Variants in ACCSL observed in about 807,000 individuals in gnomAD.
ACCSL encodes probable inactive 1-aminocyclopropane-1-carboxylate synthase-like protein 2.
Under a neutral mutation model 61.7 loss-of-function variants are expected in ACCSL, and 55 were observed. The ratio of observed to expected loss-of-function variants is 0.89; its 90% confidence interval spans 0.72 to 1.12. The LOEUF (loss-of-function observed/expected upper bound fraction) is 1.12, where lower values mean the gene tolerates loss of function less well. Among genes scored for constraint, ACCSL ranks in the 50% most tolerant of loss-of-function variants. The pLI, the probability that ACCSL is intolerant of heterozygous loss-of-function variation, is 0.00. For missense variants in ACCSL, 632 were observed against 698.0 expected (o/e 0.91, Z 1.07); for synonymous variants, 258 against 264.3 (o/e 0.98, Z 0.23).
chr11:43,943,263 C>T, the ACCSL span: 10 of 1,516,578 alleles, frequency 6.6e-6, no homozygotes, highest in East Asian at 1.9e-4. The surrounding 1 kb of genome is among the most constrained non-coding windows in gnomAD (Gnocchi z 4.8). Flanking sequence ...GACTCCGACT[C>T]GGCCCTGTAA....
the ACCSL span, among the ~76,000 whole-genome samples, chr11:43,996,813 CTTTT>C: frequency 3.2e-4 from 41 of 127,756 alleles, no homozygotes; most frequent in East Asian, 4.4e-4. Flanking sequence ...ACCTTTTTTC[CTTTT>C]TTTTTTTTTT....
In ACCSL at chr11:44,056,067, G is replaced by A; in HGVS notation, c.1167G>A (p.Val389=). Residue 389 remains valine, a synonymous_variant, in exon 10 of 14, where the codon GTG becomes GTA. Transcript: ENST00000378832. ...KSLPDSNRTH[V]IWGTSKDFGI... is the part of the protein sequence containing the mutation. ...TGCCTGATAGCAACAGGACCCATGTGATCTGGGGTACCAGTAAGGTGAGCC... is the reference window on the plus strand; with the variant it reads ...TGCCTGATAGCAACAGGACCCATGTAATCTGGGGTACCAGTAAGGTGAGCC... The A allele has an allele frequency of 4.3e-6, 7 of 1,614,234 alleles. No individual in the cohort carries two copies. Among genetic ancestry groups the A allele is most frequent in the Non-Finnish European group, 5.9e-6 (7 of 1,180,052 alleles).
chr11:44,008,500 G>C, the ACCSL span, among the ~76,000 whole-genome samples: 1 of 152,224 alleles, frequency 6.6e-6, no homozygotes, highest in Non-Finnish European at 1.5e-5. Context: ...GTTGTGAACA[G>C]GACTCATCCA....
chr11:44,057,932 G>A (rs546209107), intron 11 of ACCSL, among the ~76,000 whole-genome samples: 2 of 152,314 alleles, frequency 1.3e-5, no homozygotes, highest in Non-Finnish European at 2.9e-5. Context: ...CAGCACTTTG[G>A]GAGGCAGAGG....
the ACCSL span, among the ~76,000 whole-genome samples, chr11:43,997,368 C>T: frequency 6.6e-6 from 1 of 152,124 alleles, no homozygotes; most frequent in African/African-American, 2.4e-5. Flanking sequence ...CTTCCTCCTG[C>T]CTCGCGATCC....
At chr11:44,032,886 T>G in the ACCSL span, among the ~76,000 whole-genome samples, 49 of 152,216 alleles carry the variant, frequency 3.2e-4, no homozygotes, top group Admixed American at 1.8e-3. Context: ...AACTCTCAGC[T>G]CATCATCTCT....
the ACCSL span, among the ~76,000 whole-genome samples, chr11:43,953,554 A>G: frequency 6.6e-6 from 1 of 151,430 alleles, no homozygotes. Flanking sequence ...TGAGGTAAAA[A>G]GCCGGCCAAA....
At chr11:44,043,361 G>A (rs1952584684), upstream of ACCSL, among the ~76,000 whole-genome samples, 1 of 152,158 alleles carries the variant, frequency 6.6e-6, no homozygotes, top group Non-Finnish European at 1.5e-5. Flanking sequence ...TCCTGTGATG[G>A]TCACAAGATT....
the ACCSL span, among the ~76,000 whole-genome samples, chr11:43,934,343 G>T: frequency 6.6e-6 from 1 of 152,208 alleles, no homozygotes; most frequent in Admixed American, 6.5e-5. Flanking sequence ...GCACCAGTGG[G>T]AGGTGAGGGC....
the ACCSL span, among the ~76,000 whole-genome samples, chr11:43,956,898 T>C: frequency 8.4e-3 from 1,275 of 152,270 alleles, 8 homozygotes; most frequent in Non-Finnish European, 0.012. Flanking sequence ...TATTTATACA[T>C]TTTTCTTAAA....
chr11:43,960,605 G>A, the ACCSL span, among the ~76,000 whole-genome samples: 1 of 152,040 alleles, frequency 6.6e-6, no homozygotes, highest in Non-Finnish European at 1.5e-5. Context: ...GGCTGGTCTC[G>A]AACTCCTGAC....
chr11:44,027,580 T>C, the ACCSL span, among the ~76,000 whole-genome samples: 1 of 152,152 alleles, frequency 6.6e-6, no homozygotes, highest in Non-Finnish European at 1.5e-5. Context: ...TTCTTTCCCC[T>C]TTTTCAGCCC....
the ACCSL span, among the ~76,000 whole-genome samples, chr11:43,992,368 G>A: frequency 6.6e-6 from 1 of 152,144 alleles, no homozygotes; most frequent in East Asian, 1.9e-4. Context: ...TTTCAAGGCA[G>A]CTGCATCTAC....
the ACCSL span, among the ~76,000 whole-genome samples, chr11:44,021,364 T>C: frequency 6.6e-6 from 1 of 152,358 alleles, no homozygotes; most frequent in South Asian, 2.1e-4. Flanking sequence ...ATTTCCATGA[T>C]AATTAGTGAT....
chr11:43,942,860 A>T, the ACCSL span: 16 of 1,220,720 alleles, frequency 1.3e-5, no homozygotes, highest in Admixed American at 3.5e-4. Flanking sequence ...GCCCTCGGAG[A>T]GCCCCGGCGC....
the ACCSL span, among the ~76,000 whole-genome samples, chr11:44,007,359 C>A: frequency 6.6e-6 from 1 of 152,172 alleles, no homozygotes; most frequent in Non-Finnish European, 1.5e-5. Flanking sequence ...GAGAAAGAAG[C>A]CCCAAGGCCC....
At chr11:43,928,431 G>A in the ACCSL span, among the ~76,000 whole-genome samples, 5 of 152,158 alleles carry the variant, frequency 3.3e-5, no homozygotes, top group Non-Finnish European at 7.3e-5. Flanking sequence ...TGATAAGGCC[G>A]GGAGACCTTG....
the ACCSL span, among the ~76,000 whole-genome samples, chr11:44,037,000 A>C: frequency 6.6e-6 from 1 of 152,148 alleles, no homozygotes; most frequent in Admixed American, 6.5e-5. Flanking sequence ...AGAGAACTGA[A>C]GTCAAGGGAG....
chr11:43,994,626 G>GTATTAT, the ACCSL span, among the ~76,000 whole-genome samples: 5 of 149,992 alleles, frequency 3.3e-5, no homozygotes, highest in African/African-American at 4.9e-5. Context: ...TACTAAATAT[G>GTATTAT]TATTATTATT....
Sources: allele counts gnomAD v4.1 joint callset (sites outside exome capture counted in the v4.1 genomes callset), GRCh38; gene constraint gnomAD v4.1.1; non-coding constraint Gnocchi (gnomAD v3.1); transcripts MANE v1.5; gene names NCBI Gene and HGNC (gene_info 2026-07-23, HGNC 2026-07-21).